SMOC2: variants seen among roughly 807,000 people sequenced by gnomAD.
The protein encoded by SMOC2 is SPARC-related modular calcium-binding protein 2.
SMOC2 carries 39 observed loss-of-function variants against 61.4 expected under a neutral mutation model. That is an observed-to-expected ratio of 0.64 (90% CI 0.49 to 0.83). The LOEUF is 0.83. Among genes scored for constraint, SMOC2 ranks in the 40% least tolerant of loss-of-function variants. SMOC2 has a pLI of 0.00. For synonymous variants in SMOC2, 247 were observed against 239.9 expected (o/e 1.03, Z -0.27); for missense variants, 556 against 592.9 (o/e 0.94, Z 0.65).
chr6:168,582,713 T>C (rs997969472), intron 7 of SMOC2, among the ~76,000 whole-genome samples: 3 of 152,200 alleles, frequency 2.0e-5, no homozygotes, highest in Non-Finnish European at 4.4e-5. Flanking sequence ...TCCCCCCACC[T>C]GGGAGGAGTG....
intron 9 of SMOC2, among the ~76,000 whole-genome samples, chr6:168,614,286 A>C (rs1398254985): frequency 1.3e-5 from 1 of 76,432 alleles, no homozygotes; most frequent in Non-Finnish European, 2.6e-5. Context: ...TACAGCCAGC[A>C]CAGGGCCTCT....
At chr6:168,655,999 G>A (rs1453583922) in intron 11 of SMOC2, among the ~76,000 whole-genome samples, 3 of 152,226 alleles carry the variant, frequency 2.0e-5, no homozygotes, top group Non-Finnish European at 1.5e-5. Flanking sequence ...GGATCCCACT[G>A]CACATGTGTG....
intron 1 of SMOC2, among the ~76,000 whole-genome samples, chr6:168,497,103 G>A (rs1317709916): frequency 3.3e-5 from 5 of 152,210 alleles, no homozygotes; most frequent in African/African-American, 4.8e-5. Flanking sequence ...TGGGGCTGCC[G>A]TCCTGGGGAA....
intron 4 of SMOC2, among the ~76,000 whole-genome samples, chr6:168,533,795 A>T (rs1466620417): frequency 6.6e-6 from 1 of 152,246 alleles, no homozygotes; most frequent in African/African-American, 2.4e-5. Context: ...ATGTGAAAGA[A>T]ATTTAAAAGA....
At chr6:168,448,501 G>T (rs1027930577) in intron 1 of SMOC2, among the ~76,000 whole-genome samples, 2 of 149,402 alleles carry the variant, frequency 1.3e-5, no homozygotes, top group African/African-American at 5.0e-5. Flanking sequence ...GGAGGACGGG[G>T]ATGGTGAGGA....
intron 7 of SMOC2, among the ~76,000 whole-genome samples, chr6:168,567,775 G>A (rs957842034): frequency 2.0e-5 from 3 of 152,134 alleles, no homozygotes; most frequent in Non-Finnish European, 2.9e-5. Flanking sequence ...GGTGTGTGTC[G>A]GTGTCTCACA....
At position 168,530,664 on chromosome 6, in the gene SMOC2, C is replaced by T. The variant is rs1783574137; in HGVS notation, c.463+2937C>T. On this transcript the variant is annotated intron_variant, in intron 4 of 12. Coordinates refer to ENST00000356284, the MANE Select transcript of SMOC2 (RefSeq NM_001166412.2). The stretch of plus-strand genomic sequence containing the variant: ...CCCCCCCCCCCCGCCCCCACACCCA[C>T]TGCTCTGGCAGAAATGAAAAACCGT... 1.4e-5 allele frequency among the ~76,000 whole-genome samples: 2 copies of T among 144,996 alleles called. 1 individual carries two copies. Among genetic ancestry groups the T allele is most frequent in the Admixed American group, 1.4e-4 (2 of 14,428 alleles).
chr6:168,489,454 G>A (rs1194422367), intron 1 of SMOC2, among the ~76,000 whole-genome samples: 2 of 138,512 alleles, frequency 1.4e-5, no homozygotes, highest in South Asian at 2.4e-4. Flanking sequence ...GAAATATATT[G>A]AATCGTCTGG....
At chr6:168,444,594 T>C (rs1168129828) in intron 1 of SMOC2, among the ~76,000 whole-genome samples, 1 of 152,192 alleles carries the variant, frequency 6.6e-6, no homozygotes, top group Non-Finnish European at 1.5e-5. Context: ...CATTCTTAAG[T>C]GTGTCCAATG....
At chr6:168,569,246 C>T (rs1290218982) in intron 7 of SMOC2, among the ~76,000 whole-genome samples, 1 of 152,114 alleles carries the variant, frequency 6.6e-6, no homozygotes, top group Non-Finnish European at 1.5e-5. Flanking sequence ...ATTGGTGTCT[C>T]ATTATTGTTT....
rs541907685 is a variant in SMOC2 at position 168,662,446 on chromosome 6, A to G, written c.1286-1628A>G. The stretch of plus-strand genomic sequence containing the variant: ...TGGAGAGCAGCCTGCAGAGGACAGC[A>G]GGAACGCCATGCCCAGCAAGCCCCA... On this transcript the variant is annotated intron_variant, in intron 11 of 12. Transcript: ENST00000356284. Among the ~76,000 whole-genome samples, 267 of 152,218 alleles carry G rather than the reference A, an allele frequency of 1.8e-3. 1 individual carries two copies. Among genetic ancestry groups the G allele is most frequent in the Non-Finnish European group, 3.2e-3 (216 of 68,042 alleles).
chr6:168,504,015 G>A (rs1782803800), intron 1 of SMOC2, among the ~76,000 whole-genome samples: 2 of 152,102 alleles, frequency 1.3e-5, no homozygotes, highest in South Asian at 4.1e-4. Flanking sequence ...CCAGCACATT[G>A]ATTTGAGAGG....
At chr6:168,499,560 C>A (rs1374422404) in intron 1 of SMOC2, among the ~76,000 whole-genome samples, 1 of 152,236 alleles carries the variant, frequency 6.6e-6, no homozygotes, top group Non-Finnish European at 1.5e-5. Flanking sequence ...GAAGTCAGAT[C>A]AGTTTTTCCC....
chr6:168,451,936 G>T (rs1562536132), intron 1 of SMOC2, among the ~76,000 whole-genome samples: 2 of 152,228 alleles, frequency 1.3e-5, no homozygotes, highest in Admixed American at 1.3e-4. Context: ...CAATCACCCA[G>T]CTGGTGTGAG....
At position 168,614,104 on chromosome 6, in the gene SMOC2, G is replaced by T. The variant is rs112394009; in HGVS notation, c.907+5865G>T. 7.0e-3 allele frequency among the ~76,000 whole-genome samples: 619 copies of T among 88,786 alleles called. 58 individuals are homozygous for T. The highest frequency in any genetic ancestry group is 0.03 in the African/African-American group (601 of 20,352). 58.2% of individuals were successfully genotyped at this position (88,786 alleles called of 152,430 possible). On this transcript the variant is annotated intron_variant, in intron 9 of 12. Transcript: ENST00000356284. ...AGCACAGGGCCTCTTCATACCTACA[G>T]CCAGCACATGGAGCCTCTTCACACC... is the stretch of plus-strand genomic sequence containing the variant.
At chr6:168,525,816 G>A (rs1277040124) in intron 2 of SMOC2, among the ~76,000 whole-genome samples, 1 of 152,192 alleles carries the variant, frequency 6.6e-6, no homozygotes, top group African/African-American at 2.4e-5. Context: ...GCCCTGGGCT[G>A]CAGCTGTGGT....
At chr6:168,647,078 G>C (rs1230090415) in intron 9 of SMOC2, among the ~76,000 whole-genome samples, 1 of 152,226 alleles carries the variant, frequency 6.6e-6, no homozygotes, top group Non-Finnish European at 1.5e-5. Flanking sequence ...AACCCAGGTG[G>C]GAGTGTGTAT....
intron 1 of SMOC2, among the ~76,000 whole-genome samples, chr6:168,499,684 A>G (rs1193069868): frequency 2.0e-5 from 3 of 152,210 alleles, no homozygotes; most frequent in Non-Finnish European, 2.9e-5. Context: ...TTTTATGTCA[A>G]TTGGAAACTA....
chr6:168,463,046 G>A (rs1781750528), intron 1 of SMOC2, among the ~76,000 whole-genome samples: 1 of 152,204 alleles, frequency 6.6e-6, no homozygotes, highest in Non-Finnish European at 1.5e-5. Flanking sequence ...ATCAAAAAGC[G>A]GTCCCATTCC....
Sources: allele counts gnomAD v4.1 joint callset (sites outside exome capture counted in the v4.1 genomes callset), GRCh38; gene constraint gnomAD v4.1.1; transcripts MANE v1.5; gene names NCBI Gene and HGNC (gene_info 2026-07-23, HGNC 2026-07-21).